The following ADAMTSL1 variants were observed in gnomAD, a reference collection of about 807,000 sequenced individuals.
ADAMTSL1 encodes ADAMTS-like protein 1.
A neutral mutation model predicts 201.8 loss-of-function variants in ADAMTSL1; 126 were observed. The ratio of observed to expected loss-of-function variants is 0.62; its 90% CI spans 0.54 to 0.72. The LOEUF (loss-of-function observed/expected upper bound fraction) is 0.72, where lower values mean the gene tolerates loss of function less well. Ranked by LOEUF, ADAMTSL1 falls within the 30% of genes least tolerant of loss-of-function variation. The pLI, the probability that ADAMTSL1 is intolerant of heterozygous loss-of-function variation, is 0.00. For missense variants in ADAMTSL1, 2,679 were observed against 2,277.8 expected (o/e 1.18, Z -3.59); for synonymous variants, 1,121 against 903.4 (o/e 1.24, Z -4.32).
intron 1 of ADAMTSL1, among the ~76,000 whole-genome samples, chr9:18,158,085 A>G (rs902090890): frequency 1.3e-5 from 2 of 151,972 alleles, no homozygotes; most frequent in Admixed American, 1.3e-4. Flanking sequence ...ATTCAGTGAC[A>G]ATGTCCTCCT....
intron 2 of ADAMTSL1, among the ~76,000 whole-genome samples, chr9:18,507,773 A>T (rs113043367): frequency 4.6e-5 from 7 of 152,322 alleles, no homozygotes; most frequent in African/African-American, 1.7e-4. Flanking sequence ...ATATCATTTC[A>T]AAAGGGTCTG....
chr9:18,608,416 G>T (rs539141046), intron 4 of ADAMTSL1, among the ~76,000 whole-genome samples: 18 of 152,142 alleles, frequency 1.2e-4, no homozygotes, highest in Non-Finnish European at 2.2e-4. Flanking sequence ...CTAGACTATA[G>T]CAGGAAAGAA....
intron 2 of ADAMTSL1, among the ~76,000 whole-genome samples, chr9:18,360,853 C>G (rs2133077477): frequency 6.6e-6 from 1 of 152,292 alleles, no homozygotes; most frequent in Non-Finnish European, 1.5e-5. Flanking sequence ...TAATCCTAAA[C>G]TTTTCATTTT....
chr9:18,336,806 A>G (rs938371078), intron 2 of ADAMTSL1, among the ~76,000 whole-genome samples: 1 of 152,168 alleles, frequency 6.6e-6, no homozygotes, highest in African/African-American at 2.4e-5. Context: ...CTATTTATAA[A>G]TAAAGATCAG....
At chr9:18,716,473 A>C (rs1240799837) in intron 14 of ADAMTSL1, among the ~76,000 whole-genome samples, 1 of 152,168 alleles carries the variant, frequency 6.6e-6, no homozygotes, top group African/African-American at 2.4e-5. Flanking sequence ...TGCAGCCAAA[A>C]ACCACGTGAA....
At chr9:18,505,878 T>G (rs999269299) in intron 2 of ADAMTSL1, among the ~76,000 whole-genome samples, 1 of 151,896 alleles carries the variant, frequency 6.6e-6, no homozygotes, top group Non-Finnish European at 1.5e-5. Flanking sequence ...TTAATAAGAG[T>G]GAGAATTTCT....
At chr9:18,032,878 T>A (rs1487634997) in intron 1 of ADAMTSL1, among the ~76,000 whole-genome samples, 2 of 132,072 alleles carry the variant, frequency 1.5e-5, no homozygotes, top group South Asian at 5.1e-4. Flanking sequence ...GTCCTGGTGC[T>A]CAGTGACTCT....
chr9:18,574,320 T>C, intron 4 of ADAMTSL1, 54 bp downstream of exon 4: 2 of 1,460,090 alleles, frequency 1.4e-6, no homozygotes, highest in Non-Finnish European at 1.9e-6. Flanking sequence ...AATGTCTTTG[T>C]GTAAATGGTT....
intron 1 of ADAMTSL1, among the ~76,000 whole-genome samples, chr9:18,104,977 C>T (rs1280077622): frequency 6.6e-6 from 1 of 151,830 alleles, no homozygotes; most frequent in African/African-American, 2.4e-5. Context: ...GCAACTATAT[C>T]CCTAAAAACA....
chr9:18,056,829 C>G (rs970856987), intron 1 of ADAMTSL1, among the ~76,000 whole-genome samples: 1 of 152,176 alleles, frequency 6.6e-6, no homozygotes, highest in African/African-American at 2.4e-5. Flanking sequence ...TCTCTCCCTG[C>G]AGTGCCCTTC....
chr9:18,014,652 A>G (rs1252007206), intron 1 of ADAMTSL1, among the ~76,000 whole-genome samples: 1 of 152,082 alleles, frequency 6.6e-6, no homozygotes, highest in African/African-American at 2.4e-5. Flanking sequence ...TTTTAACCGT[A>G]GGTTTCAAAG....
chr9:18,084,701 C>G, intron 1 of ADAMTSL1, among the ~76,000 whole-genome samples: 1 of 149,394 alleles, frequency 6.7e-6, no homozygotes, highest in Non-Finnish European at 1.5e-5. Context: ...CCCTCTCTCC[C>G]TCCCTCCCAC....
rs546318570 is a variant in ADAMTSL1 at position 18,712,903 on chromosome 9, G to A, written c.1876+5855G>A. On this transcript the variant is annotated intron_variant, in intron 14 of 28. Coordinates refer to ENST00000380548, the MANE Select transcript of ADAMTSL1 (RefSeq NM_001040272.6). Reference sequence around the variant, plus strand: ...CCATCAGACTAACAGCGGATCTCTCGGCAGAAACCCTACAAGCCAGAAGAG... The same window carrying A: ...CCATCAGACTAACAGCGGATCTCTCAGCAGAAACCCTACAAGCCAGAAGAG... Among the ~76,000 whole-genome samples the A allele has an allele frequency of 1.4e-3, 209 of 147,146 alleles. 1 individual carries two copies. The highest frequency in any genetic ancestry group is 4.9e-3 in the African/African-American group (196 of 40,124).
chr9:17,981,714 A>T (rs1818708015), intron 1 of ADAMTSL1, among the ~76,000 whole-genome samples: 1 of 152,170 alleles, frequency 6.6e-6, no homozygotes, highest in Non-Finnish European at 1.5e-5. Context: ...GTATAAATCT[A>T]TTCAAGGTTC....
chr9:18,333,643 C>A (rs1368175213), intron 2 of ADAMTSL1, among the ~76,000 whole-genome samples: 2 of 152,090 alleles, frequency 1.3e-5, no homozygotes, highest in Admixed American at 1.3e-4. Flanking sequence ...ACAAAATACT[C>A]TAAACCAGTT....
At chr9:18,652,365 CA>C (rs34900718) in intron 7 of ADAMTSL1, among the ~76,000 whole-genome samples, 63,098 of 94,816 alleles carry the variant, frequency 0.67, 19,808 homozygotes, top group East Asian at 0.83. Context: ...AACTCCATCT[CA>C]AAAAAAAAAA....
intron 3 of ADAMTSL1, among the ~76,000 whole-genome samples, chr9:18,540,742 G>T (rs1820081148): frequency 1.3e-5 from 2 of 152,110 alleles, no homozygotes; most frequent in African/African-American, 2.4e-5. Context: ...CCCAGGCCCG[G>T]TCTGCCAGTC....
At chr9:18,513,839 A>G (rs1041443342) in intron 2 of ADAMTSL1, among the ~76,000 whole-genome samples, 2 of 152,202 alleles carry the variant, frequency 1.3e-5, no homozygotes, top group African/African-American at 4.8e-5. Context: ...CTTTACACCA[A>G]GGTGTCTTTA....
chr9:18,056,545 A>G (rs1391459560), intron 1 of ADAMTSL1, among the ~76,000 whole-genome samples: 2 of 152,236 alleles, frequency 1.3e-5, no homozygotes, highest in South Asian at 2.1e-4. Flanking sequence ...ACACATAGGG[A>G]GACGGTTATT....
Sources: gnomAD v4.1 joint callset for allele counts (sites outside exome capture counted in the v4.1 genomes callset) on GRCh38, gnomAD v4.1.1 for gene constraint, MANE v1.5 for transcripts, NCBI Gene and HGNC (gene_info 2026-07-23, HGNC 2026-07-21) for gene names.